Variants in VDAC1 observed in about 807,000 individuals in gnomAD.
VDAC1 encodes voltage dependent anion channel 1, also known as non-selective voltage-gated ion channel VDAC1.
VDAC1 carries 10 observed loss-of-function variants against 34.7 expected under a neutral mutation model. That is an observed-to-expected ratio of 0.29 (90% CI 0.18 to 0.49). The LOEUF (loss-of-function observed/expected upper bound fraction) is 0.49, where lower values mean the gene tolerates loss of function less well. Among genes scored for constraint, VDAC1 ranks in the 20% least tolerant of loss-of-function variants. VDAC1 has a pLI of 0.99. For missense variants in VDAC1, 230 were observed against 347.9 expected, an observed-to-expected ratio of 0.66 and a Z score of 2.69; for synonymous variants, 130 against 136.0, an observed-to-expected ratio of 0.96 and a Z score of 0.30.
At chr5:134,076,934 T>C in the VDAC1 span, among the ~76,000 whole-genome samples, 3 of 152,168 alleles carry the variant, frequency 2.0e-5, 1 homozygote, top group African/African-American at 4.8e-5. Context: ...GATCAGATAA[T>C]AATTATTACT....
At chr5:134,085,015 T>C in the VDAC1 span, among the ~76,000 whole-genome samples, 85 of 152,236 alleles carry the variant, frequency 5.6e-4, no homozygotes, top group Middle Eastern at 0.014. Flanking sequence ...TCTGGGGTCC[T>C]TGGGCACAAG....
Position 133,991,161 on chromosome 5 carries a change from A to C in VDAC1, c.118-7T>G, listed in dbSNP as rs1753089101. 6.2e-7 allele frequency: 1 copy of C among 1,608,254 alleles called. No homozygotes were observed. The highest frequency in any genetic ancestry group is 2.2e-5 in the East Asian group (1 of 44,888). On this transcript the variant is annotated splice_polypyrimidine_tract_variant and splice_region_variant and intron_variant, in intron 3 of 8. Transcript: ENST00000265333. ...AGCCTGAGCTTGTAAATTCCTTCAA[A>C]GGAGAGAGAAGAGTCACAGCCTGCA...
chr5:133,993,076 A>G, intron 1 of VDAC1, 58 bp from the exon 2 acceptor site: 3 of 1,507,648 alleles, frequency 2.0e-6, no homozygotes, highest in Non-Finnish European at 2.7e-6. Flanking sequence ...TTAGCTTTCC[A>G]TCAATAACAA....
chr5:134,110,688 GCT>G, the VDAC1 span, among the ~76,000 whole-genome samples: 2 of 152,248 alleles, frequency 1.3e-5, no homozygotes, highest in African/African-American at 4.8e-5. Flanking sequence ...TGCCAGGCGG[GCT>G]GGTGAGCAGG....
the VDAC1 span, among the ~76,000 whole-genome samples, chr5:134,029,068 C>T: frequency 1.3e-5 from 2 of 152,122 alleles, no homozygotes; most frequent in Non-Finnish European, 2.9e-5. Context: ...TAGGACAGTT[C>T]CAGTTTTCAC....
the VDAC1 span, among the ~76,000 whole-genome samples, chr5:134,063,193 G>T: frequency 6.6e-6 from 1 of 152,112 alleles, no homozygotes; most frequent in Non-Finnish European, 1.5e-5. Flanking sequence ...GTCTAAATAA[G>T]AAATTAACAT....
the VDAC1 span, among the ~76,000 whole-genome samples, chr5:134,041,120 T>C: frequency 5.3e-5 from 8 of 149,694 alleles, no homozygotes; most frequent in South Asian, 1.7e-3. Flanking sequence ...CTACTGATCC[T>C]ACTCAAGGGA....
the VDAC1 span, among the ~76,000 whole-genome samples, chr5:134,097,997 G>A: frequency 6.6e-6 from 1 of 151,958 alleles, no homozygotes; most frequent in South Asian, 2.1e-4. Context: ...AACTTCCCGA[G>A]TAGCTGGGAT....
chr5:134,033,286 T>C, the VDAC1 span, among the ~76,000 whole-genome samples: 1 of 151,070 alleles, frequency 6.6e-6, no homozygotes, highest in South Asian at 2.1e-4. Flanking sequence ...GCCTCCCAAG[T>C]AGCTGGGGCT....
At chr5:134,087,369 G>A in the VDAC1 span, among the ~76,000 whole-genome samples, 9 of 152,050 alleles carry the variant, frequency 5.9e-5, no homozygotes, top group Non-Finnish European at 1.0e-4. Context: ...CTGGGTGCTG[G>A]GGAGACTCAT....
At chr5:134,006,124 T>A (rs1393506320), upstream of VDAC1, among the ~76,000 whole-genome samples, 10 of 152,042 alleles carry the variant, frequency 6.6e-5, no homozygotes, top group South Asian at 2.1e-3. Context: ...CTAGGCCCTG[T>A]GTAGGGGCTG....
the VDAC1 span, among the ~76,000 whole-genome samples, chr5:134,062,882 C>T: frequency 6.8e-6 from 1 of 146,300 alleles, no homozygotes; most frequent in Non-Finnish European, 1.6e-5. Flanking sequence ...CCTCCTCGGC[C>T]TCCCAAAGTG....
At chr5:134,111,242 A>G in the VDAC1 span, among the ~76,000 whole-genome samples, 160 of 152,296 alleles carry the variant, frequency 1.1e-3, no homozygotes, top group Middle Eastern at 3.4e-3. Context: ...TGCTCCAACA[A>G]CCCTCAAGCC....
At chr5:133,982,672 C>G (rs1427598372) in intron 5 of VDAC1, among the ~76,000 whole-genome samples, 1 of 151,548 alleles carries the variant, frequency 6.6e-6, no homozygotes, top group Non-Finnish European at 1.5e-5. Context: ...GGTGGATCAC[C>G]TGAGGTCAGG....
intron 7 of VDAC1, among the ~76,000 whole-genome samples, chr5:133,975,594 G>A (rs1204541729): frequency 6.6e-6 from 1 of 151,836 alleles, no homozygotes; most frequent in East Asian, 1.9e-4. Flanking sequence ...TCGAGTAGCT[G>A]GGATTACAGG....
chr5:133,991,941 T>A (rs1018908220), intron 3 of VDAC1, among the ~76,000 whole-genome samples: 1 of 152,118 alleles, frequency 6.6e-6, no homozygotes, highest in African/African-American at 2.4e-5. Context: ...AAATCTTTTT[T>A]AAAAATAAAA....
At chr5:134,047,049 A>T in the VDAC1 span, among the ~76,000 whole-genome samples, 1 of 152,124 alleles carries the variant, frequency 6.6e-6, no homozygotes, top group African/African-American at 2.4e-5. Context: ...AGAGGGAAGG[A>T]ACTATACTCG....
At chr5:134,017,984 T>C in the VDAC1 span, among the ~76,000 whole-genome samples, 2 of 152,240 alleles carry the variant, frequency 1.3e-5, no homozygotes, top group African/African-American at 4.8e-5. Context: ...GTGACTGACG[T>C]AGATGGGCTT....
the VDAC1 span, among the ~76,000 whole-genome samples, chr5:134,057,925 C>G: frequency 6.6e-6 from 1 of 152,162 alleles, no homozygotes; most frequent in Non-Finnish European, 1.5e-5. Flanking sequence ...AGACCAAGTT[C>G]TTGCTCTGTC....
Sources: allele counts gnomAD v4.1 joint callset (sites outside exome capture counted in the v4.1 genomes callset), GRCh38; gene constraint gnomAD v4.1.1; transcripts MANE v1.5; gene names NCBI Gene and HGNC (gene_info 2026-07-23, HGNC 2026-07-21).